Variants in TECRL observed in about 807,000 individuals in gnomAD.
TECRL encodes trans-2,3-enoyl-CoA reductase like, also known as trans-2,3-enoyl-CoA reductase-like.
A neutral mutation model predicts 52.8 loss-of-function variants in TECRL; 63 were observed. That is an observed-to-expected ratio of 1.19 (90% CI 0.97 to 1.47). The LOEUF is 1.47. TECRL is among the 40% of genes most tolerant of loss of function. TECRL has a pLI of 0.00. For synonymous variants in TECRL, 164 were observed against 141.9 expected (o/e 1.16, Z -1.10); for missense variants, 482 against 429.6 (o/e 1.12, Z -1.08).
chr4:64,300,181 T>A (rs1467183683), intron 7 of TECRL, among the ~76,000 whole-genome samples, 164 bp from the exon 8 acceptor site: 2 of 150,268 alleles, frequency 1.3e-5, no homozygotes, highest in East Asian at 3.9e-4. Flanking sequence ...ATCTAAAGTG[T>A]TGACTTTTTT....
At chr4:64,392,473 A>T (rs1723615171) in intron 1 of TECRL, among the ~76,000 whole-genome samples, 1 of 151,926 alleles carries the variant, frequency 6.6e-6, no homozygotes, top group Non-Finnish European at 1.5e-5. Flanking sequence ...TCTGAATGAT[A>T]TAAGATATGC....
At chr4:64,289,907 G>A in intron 8 of TECRL, 140 bp from the exon 9 acceptor site, 1 of 509,246 alleles carries the variant, frequency 2.0e-6, no homozygotes, top group Non-Finnish European at 3.2e-6. Flanking sequence ...TAATCATAAA[G>A]AGAAATTTTT....
At chr4:64,305,316 A>G (rs1259929294) in intron 6 of TECRL, 78 bp from the exon 7 acceptor site, 3 of 1,282,376 alleles carry the variant, frequency 2.3e-6, no homozygotes, top group East Asian at 4.8e-5. Flanking sequence ...CATTTATATT[A>G]CATGCATGTC....
intron 1 of TECRL, among the ~76,000 whole-genome samples, chr4:64,389,547 TA>T (rs1016786012): frequency 2.0e-5 from 3 of 151,958 alleles, no homozygotes; most frequent in Non-Finnish European, 4.4e-5. Context: ...GTTACATCTA[TA>T]TTTTTGAGGG....
intron 5 of TECRL, among the ~76,000 whole-genome samples, chr4:64,311,689 C>A (rs1377294398): frequency 6.6e-6 from 1 of 152,082 alleles, no homozygotes; most frequent in African/African-American, 2.4e-5. Context: ...TGCCATCATG[C>A]ACATCACTGC....
At chr4:64,364,818 A>G (rs1248399820) in intron 2 of TECRL, among the ~76,000 whole-genome samples, 1 of 151,734 alleles carries the variant, frequency 6.6e-6, no homozygotes, top group East Asian at 2.0e-4. Context: ...GCCAAACTCT[A>G]CCAGACTTTC....
chr4:64,348,059 A>G (rs1417308643), intron 2 of TECRL, among the ~76,000 whole-genome samples: 1 of 152,118 alleles, frequency 6.6e-6, no homozygotes, highest in African/African-American at 2.4e-5. Context: ...TGTTTATAGC[A>G]GTGCCCCACT....
chr4:64,398,201 C>T (rs939087771), intron 1 of TECRL, among the ~76,000 whole-genome samples: 1 of 151,998 alleles, frequency 6.6e-6, no homozygotes, highest in Non-Finnish European at 1.5e-5. Context: ...ATAGCCATTT[C>T]CTAGGGAAAA....
At chr4:64,393,953 G>GTA (rs1723734178) in intron 1 of TECRL, among the ~76,000 whole-genome samples, 2 of 151,910 alleles carry the variant, frequency 1.3e-5, no homozygotes, top group African/African-American at 4.8e-5. Flanking sequence ...CTAAATATAT[G>GTA]TATATATATA....
intron 1 of TECRL, among the ~76,000 whole-genome samples, chr4:64,376,802 T>A (rs1451386587): frequency 1.3e-5 from 2 of 152,178 alleles, no homozygotes; most frequent in African/African-American, 4.8e-5. Context: ...ATGCATTGGT[T>A]GTTTAATCTA....
At chr4:64,310,921 T>C (rs1267738351) in intron 5 of TECRL, among the ~76,000 whole-genome samples, 2 of 152,116 alleles carry the variant, frequency 1.3e-5, no homozygotes, top group Non-Finnish European at 2.9e-5. Flanking sequence ...GGTTAAACCT[T>C]GTTGCCCAGG....
rs185126742 is a variant in TECRL, at chr4:64,372,594, A to C, written c.286+2578T>G. On this transcript the variant is annotated intron_variant, in intron 2 of 11. Transcript: ENST00000381210. ...AGAAAAGACATATTACAGTAAAAAA[A>C]GTTCTAAAATAAAACAAAGAAAAAT... Among the ~76,000 whole-genome samples the C allele has an allele frequency of 4.1e-3, 621 of 151,930 alleles. 3 individuals are homozygous for C. The highest frequency in any genetic ancestry group is 6.1e-3 in the Non-Finnish European group (411 of 67,752).
At chr4:64,372,418 G>C (rs934041548) in intron 2 of TECRL, among the ~76,000 whole-genome samples, 2 of 151,770 alleles carry the variant, frequency 1.3e-5, no homozygotes, top group Non-Finnish European at 3.0e-5. Flanking sequence ...TGCCTTAGCA[G>C]CTAACACATG....
At chr4:64,371,008 T>C (rs1174041229) in intron 2 of TECRL, among the ~76,000 whole-genome samples, 1 of 151,620 alleles carries the variant, frequency 6.6e-6, no homozygotes, top group Non-Finnish European at 1.5e-5. Flanking sequence ...TCACACACTA[T>C]TTTTTTCACC....
chr4:64,280,018 CTTAT>C lies in TECRL; in HGVS notation c.*50_*53del. The C allele has an allele frequency of 6.5e-7, 1 of 1,533,286 alleles. No homozygotes were observed. Among genetic ancestry groups the C allele is most frequent in the Non-Finnish European group, 8.8e-7 (1 of 1,138,448 alleles). The allele number at this position is 1,533,286 out of a possible 1,614,324, so 95.0% of individuals were successfully genotyped here. On this transcript the variant is annotated 3_prime_UTR_variant, in exon 12 of 12. Transcript: ENST00000381210. ...AATAGTTAACTATCCTTAACTAAGT[CTTAT>C]TTATTGAATTTATATGTTGCTGTTT...
chr4:64,328,064 C>G (rs1433006887), intron 3 of TECRL, among the ~76,000 whole-genome samples: 1 of 151,896 alleles, frequency 6.6e-6, no homozygotes, highest in Non-Finnish European at 1.5e-5. Context: ...GTTTAAAAAT[C>G]TGAGAAATTT....
At chr4:64,366,022 G>A (rs1003860075) in intron 2 of TECRL, among the ~76,000 whole-genome samples, 7 of 151,964 alleles carry the variant, frequency 4.6e-5, no homozygotes, top group African/African-American at 1.7e-4. Flanking sequence ...TATGGTACTA[G>A]TACAAAAACA....
Position 64,304,687 on chromosome 4 carries a change from G to A in TECRL, c.730+479C>T, listed in dbSNP as rs536998613. Among the ~76,000 whole-genome samples, 6 of 152,084 alleles carry A rather than the reference G, an allele frequency of 3.9e-5. No individual in the cohort carries two copies. In the East Asian group the frequency reaches 1.2e-3, roughly 29 times the overall value. ...ACCAAGGAATTAGGTTTCATCCAGT[G>A]TACATTCAACCAAATGTTTCATCTG... is the stretch of plus-strand genomic sequence containing the variant. On this transcript the variant is annotated intron_variant, in intron 7 of 11. Transcript: ENST00000381210.
At chr4:64,310,330 A>T (rs7672597) in intron 5 of TECRL, among the ~76,000 whole-genome samples, 1 of 152,224 alleles carries the variant, frequency 6.6e-6, no homozygotes, top group Non-Finnish European at 1.5e-5. Flanking sequence ...TTGACATTTT[A>T]TAATAGTCAG....
Sources: allele counts gnomAD v4.1 joint callset (sites outside exome capture counted in the v4.1 genomes callset), GRCh38; gene constraint gnomAD v4.1.1; transcripts MANE v1.5; gene names NCBI Gene and HGNC (gene_info 2026-07-23, HGNC 2026-07-21).